The following GSTCD variants were observed in gnomAD, a reference collection of about 807,000 sequenced individuals.
GSTCD encodes the protein glutathione S-transferase C-terminal domain containing.
A neutral mutation model predicts 68.3 loss-of-function variants in GSTCD; 44 were observed. That is an observed-to-expected ratio of 0.64 (90% confidence interval 0.51 to 0.83). GSTCD has a LOEUF of 0.83. Ranked by LOEUF, GSTCD falls within the 40% of genes least tolerant of loss-of-function variation. GSTCD has a pLI of 0.00. For synonymous variants in GSTCD, 273 were observed against 255.2 expected (o/e 1.07, Z -0.67); for missense variants, 739 against 735.9 (o/e 1.00, Z -0.05).
At chr4:105,726,014 C>G (rs538680915) in intron 3 of GSTCD, among the ~76,000 whole-genome samples, 1 of 152,126 alleles carries the variant, frequency 6.6e-6, no homozygotes, top group South Asian at 2.1e-4. Context: ...ACCATAAAAC[C>G]TAGCAATTTG....
chr4:105,726,628 T>C lies in GSTCD; in HGVS notation c.944T>C (p.Leu315Pro). 1 of 1,611,214 alleles carries C rather than the reference T, an allele frequency of 6.2e-7. No homozygotes were observed. The highest frequency in any genetic ancestry group is 8.5e-7 in the Non-Finnish European group (1 of 1,177,870). Residue 315 changes from leucine (L) to proline (P), a missense_variant, in exon 4 of 12, where the codon CTA becomes CCA. Leu to Pro is a moderately conservative substitution (Grantham distance 98). Coordinates refer to ENST00000515279, the MANE Select transcript of GSTCD (RefSeq NM_001370181.1). ...GAGAAGCTGGTAGAATTTCCATTGCTAGCCTCTTGGTACCAGAGGATTCAG... is the reference window on the plus strand; with the variant it reads ...GAGAAGCTGGTAGAATTTCCATTGCCAGCCTCTTGGTACCAGAGGATTCAG... ...FSEKLVEFPL[L>P]ASWYQRIQEV...
At chr4:105,729,869 A>G (rs1245764580) in intron 5 of GSTCD, among the ~76,000 whole-genome samples, 1 of 152,046 alleles carries the variant, frequency 6.6e-6, no homozygotes, top group African/African-American at 2.4e-5. Flanking sequence ...CATTAGGTAT[A>G]TCTCCTAATG....
At chr4:105,838,462 A>G (rs1307697047) in intron 10 of GSTCD, among the ~76,000 whole-genome samples, 2 of 152,226 alleles carry the variant, frequency 1.3e-5, no homozygotes, top group African/African-American at 4.8e-5. Context: ...TGTCCTTGAC[A>G]TTCTTATTGT....
intron 3 of GSTCD, among the ~76,000 whole-genome samples, chr4:105,724,700 A>C (rs2149208912): frequency 6.6e-6 from 1 of 152,096 alleles, no homozygotes; most frequent in Admixed American, 6.5e-5. Context: ...AGTGAGCTAC[A>C]AAATTTCTAT....
At chr4:105,775,460 T>G (rs549912124) in intron 5 of GSTCD, among the ~76,000 whole-genome samples, 7 of 152,246 alleles carry the variant, frequency 4.6e-5, no homozygotes, top group Non-Finnish European at 8.8e-5. Context: ...CTTTTGGCAC[T>G]GGTTTTTCAT....
intron 3 of GSTCD, 30 bp downstream of exon 3, chr4:105,719,557 CTA>C (rs745537716): frequency 1.3e-6 from 2 of 1,487,022 alleles, no homozygotes; most frequent in South Asian, 1.1e-5. Context: ...GTACACATTA[CTA>C]TGAGTTTCAG....
intron 5 of GSTCD, among the ~76,000 whole-genome samples, chr4:105,750,662 TAAC>T (rs1228302803): frequency 6.6e-6 from 1 of 151,994 alleles, no homozygotes; most frequent in Non-Finnish European, 1.5e-5. Context: ...TCCAGAAAAA[TAAC>T]AACTTATATT....
chr4:105,795,687 A>G (rs1321279660), intron 5 of GSTCD, among the ~76,000 whole-genome samples: 1 of 152,130 alleles, frequency 6.6e-6, no homozygotes, highest in East Asian at 1.9e-4. Context: ...ACATACATTT[A>G]GGGAGGTTGA....
chr4:105,774,762 TTCTC>T (rs1354447674), intron 5 of GSTCD, among the ~76,000 whole-genome samples: 2 of 152,200 alleles, frequency 1.3e-5, no homozygotes, highest in African/African-American at 4.8e-5. Flanking sequence ...AACCTGACCT[TTCTC>T]TCTGGCCGCC....
At chr4:105,823,516 T>G (rs1179301295) in intron 7 of GSTCD, 1 of 337,750 alleles carries the variant, frequency 3.0e-6, no homozygotes, top group Non-Finnish European at 5.3e-6. Context: ...AAGTAATTTT[T>G]CAAAGAAGTA....
At chr4:105,772,838 C>T (rs1734907581) in intron 5 of GSTCD, among the ~76,000 whole-genome samples, 1 of 152,028 alleles carries the variant, frequency 6.6e-6, no homozygotes, top group Non-Finnish European at 1.5e-5. Flanking sequence ...TGTGTCTCTG[C>T]CAGGTTTTAG....
At chr4:105,727,710 T>C (rs1160855044) in intron 4 of GSTCD, among the ~76,000 whole-genome samples, 1 of 151,758 alleles carries the variant, frequency 6.6e-6, no homozygotes, top group East Asian at 1.9e-4. Context: ...AAAGAATGCA[T>C]ATGCTTTATT....
At chr4:105,808,761 A>G (rs563355713) in intron 5 of GSTCD, among the ~76,000 whole-genome samples, 2 of 152,182 alleles carry the variant, frequency 1.3e-5, no homozygotes, top group South Asian at 4.2e-4. Flanking sequence ...AACAATTTAT[A>G]ACTTTTAAAT....
Position 105,712,116 on chromosome 4 carries a change from A to G in GSTCD, c.-22+3100A>G, listed in dbSNP as rs1732556868. Among the ~76,000 whole-genome samples the G allele has an allele frequency of 3.3e-5, 5 of 152,242 alleles. No individual in the cohort carries two copies. The South Asian group carries it at 1.0e-3, about 32-fold the overall frequency. ...AGACAGTGATTTCTGACATTCATAT[A>G]TGTACATTCATTCCTTGAACTAAAG... On this transcript the variant is annotated intron_variant, in intron 1 of 11. Transcript: ENST00000515279.
chr4:105,816,423 G>A (rs1163676106), intron 5 of GSTCD, among the ~76,000 whole-genome samples: 1 of 152,050 alleles, frequency 6.6e-6, no homozygotes. Flanking sequence ...TCTGGAAAGG[G>A]TGAGACCCAA....
chr4:105,845,319 A>G (rs1002127298), intron 11 of GSTCD, 122 bp from the exon 12 acceptor site: 1 of 935,524 alleles, frequency 1.1e-6, no homozygotes, highest in Admixed American at 2.2e-5. Context: ...AACAAGACTT[A>G]GGGGTACAAA....
At chr4:105,730,822 C>T (rs550091566) in intron 5 of GSTCD, among the ~76,000 whole-genome samples, 6 of 152,154 alleles carry the variant, frequency 3.9e-5, no homozygotes, top group Non-Finnish European at 5.9e-5. Context: ...TTGCCCATGC[C>T]TATGTCCTGA....
intron 6 of GSTCD, 38 bp downstream of exon 6, chr4:105,823,107 A>G (rs1176217894): frequency 1.3e-6 from 2 of 1,581,842 alleles, no homozygotes; most frequent in Non-Finnish European, 1.7e-6. Flanking sequence ...TAGTCTTTCT[A>G]AGATTATGAG....
At chr4:105,812,635 C>T (rs2149267706) in intron 5 of GSTCD, among the ~76,000 whole-genome samples, 1 of 152,198 alleles carries the variant, frequency 6.6e-6, no homozygotes, top group South Asian at 2.1e-4. Context: ...ATACAATAAC[C>T]ATTAAGGTAA....
Sources: gnomAD v4.1 joint callset for allele counts (sites outside exome capture counted in the v4.1 genomes callset) on GRCh38, gnomAD v4.1.1 for gene constraint, MANE v1.5 for transcripts, NCBI Gene and HGNC (gene_info 2026-07-23, HGNC 2026-07-21) for gene names.